Variants in LCOR observed in about 807,000 individuals in gnomAD.
LCOR encodes the protein ligand dependent nuclear receptor corepressor.
Under a neutral mutation model 64.4 loss-of-function variants are expected in LCOR, and 14 were observed. The observed-to-expected ratio is 0.22, with a 90% CI of 0.14 to 0.34. The LOEUF is 0.34. Among genes scored for constraint, LCOR ranks in the 10% least tolerant of loss-of-function variants. LCOR has a pLI of 1.00. For missense variants in LCOR, 1,686 were observed against 1,765.3 expected, an observed-to-expected ratio of 0.96 and a Z score of 0.80; for synonymous variants, 643 against 642.5, an observed-to-expected ratio of 1.00 and a Z score of -0.01.
At chr10:96,866,375 G>A (rs1171630518) in intron 2 of LCOR, among the ~76,000 whole-genome samples, 1 of 151,926 alleles carries the variant, frequency 6.6e-6, no homozygotes, top group South Asian at 2.1e-4. Flanking sequence ...TTCCTTGTAC[G>A]GCTATACCTC....
intron 7 of LCOR, chr10:96,955,024 T>C (rs1847743443): frequency 6.2e-7 from 1 of 1,614,026 alleles, no homozygotes; most frequent in African/African-American, 1.3e-5. Context: ...CCAAGAAGCT[T>C]ACAGGATGGA....
intron 4 of LCOR, among the ~76,000 whole-genome samples, chr10:96,934,271 C>T (rs1273258270): frequency 6.6e-6 from 1 of 152,168 alleles, no homozygotes; most frequent in Admixed American, 6.5e-5. Flanking sequence ...CAGTATAGGA[C>T]TATGAGAGAT....
intron 7 of LCOR, among the ~76,000 whole-genome samples, chr10:96,974,445 T>C (rs1002132632): frequency 3.3e-5 from 5 of 152,250 alleles, no homozygotes; most frequent in African/African-American, 9.6e-5. Flanking sequence ...CAGCATGAAC[T>C]AGCATGAGCT....
chr10:96,836,391 C>G (rs537100517), intron 2 of LCOR, among the ~76,000 whole-genome samples: 1 of 152,202 alleles, frequency 6.6e-6, no homozygotes, highest in Non-Finnish European at 1.5e-5. Flanking sequence ...ATAGAACTTG[C>G]CACTTCAGAG....
chr10:96,959,502 T>A (rs1030904852), intron 7 of LCOR: 4 of 152,170 alleles, frequency 2.6e-5, no homozygotes, highest in African/African-American at 7.2e-5. Context: ...AAACACTAAT[T>A]CTGTGGAAGG....
At chr10:96,878,645 T>G (rs1370038184) in intron 2 of LCOR, among the ~76,000 whole-genome samples, 1 of 152,196 alleles carries the variant, frequency 6.6e-6, no homozygotes, top group East Asian at 1.9e-4. Flanking sequence ...GAGCATAATA[T>G]TGCTGAATAT....
At chr10:96,870,098 A>G (rs1466660699) in intron 2 of LCOR, among the ~76,000 whole-genome samples, 1 of 151,856 alleles carries the variant, frequency 6.6e-6, no homozygotes, top group East Asian at 1.9e-4. Flanking sequence ...TCTGTCGCCC[A>G]GGCTGGAGTG....
chr10:96,898,558 G>A (rs1846581022), intron 2 of LCOR, among the ~76,000 whole-genome samples: 1 of 152,180 alleles, frequency 6.6e-6, no homozygotes, highest in African/African-American at 2.4e-5. Context: ...TGGTGTGGGA[G>A]AATACTAAGA....
intron 2 of LCOR, among the ~76,000 whole-genome samples, chr10:96,855,935 A>T (rs1845796041): frequency 7.2e-6 from 1 of 139,564 alleles, no homozygotes; most frequent in Non-Finnish European, 1.6e-5. Flanking sequence ...GTAGTTACAG[A>T]GTTTCTCCAT....
intron 2 of LCOR, among the ~76,000 whole-genome samples, chr10:96,849,361 C>G (rs1310426240): frequency 6.6e-6 from 1 of 152,098 alleles, no homozygotes; most frequent in Non-Finnish European, 1.5e-5. Context: ...GCGTGAGCCA[C>G]TGCGTCCGGC....
At chr10:96,913,013 G>A (rs10786314) in intron 4 of LCOR, among the ~76,000 whole-genome samples, 150,662 of 152,250 alleles carry the variant, frequency 0.99, 74,563 homozygotes, top group East Asian at 1. Context: ...GGGCCCTTTG[G>A]AGTTGGCTGT....
At chr10:96,885,234 A>T (rs933338392) in intron 2 of LCOR, among the ~76,000 whole-genome samples, 9 of 152,216 alleles carry the variant, frequency 5.9e-5, no homozygotes, top group African/African-American at 2.2e-4. Flanking sequence ...CTCATTTGAA[A>T]ATAGTAAAGT....
At chr10:96,884,658 T>TA (rs1312872575) in intron 2 of LCOR, among the ~76,000 whole-genome samples, 1 of 152,212 alleles carries the variant, frequency 6.6e-6, no homozygotes, top group Non-Finnish European at 1.5e-5. Flanking sequence ...TGGGTTGAGG[T>TA]ATAAGAATTT....
At chr10:96,959,127 T>G (rs1487886023) in intron 7 of LCOR, 1 of 152,194 alleles carries the variant, frequency 6.6e-6, no homozygotes, top group Non-Finnish European at 1.5e-5. Context: ...ATATTTGATT[T>G]CTCTCTTGAT....
chr10:96,982,349 C>G lies in LCOR; in HGVS notation c.1889C>G (p.Pro630Arg). ...GCTCACCTTCCTGAAGAGGACCTGCCAGAAGGTGGCTCCACAGTCTCAGCT... is the reference window on the plus strand; with the variant it reads ...GCTCACCTTCCTGAAGAGGACCTGCGAGAAGGTGGCTCCACAGTCTCAGCT... Reference protein sequence around the residue: ...LPAHLPEEDLPEGGSTVSAPT... With the variant: ...LPAHLPEEDLREGGSTVSAPT... Residue 630 changes from proline to arginine, a missense_variant, in exon 8 of 8, where the codon CCA becomes CGA. Pro to Arg is a moderately radical substitution (Grantham distance 103). This residue lies in a region of LCOR where 1,293 missense variants were observed against 1,410.4 expected (regional missense o/e 0.92). Transcript: ENST00000421806. 6.2e-7 allele frequency: 1 copy of G among 1,614,206 alleles called. No homozygotes were observed. The highest frequency in any genetic ancestry group is 8.5e-7 in the Non-Finnish European group (1 of 1,180,032).
chr10:96,982,121 C>G lies in LCOR; in HGVS notation c.1661C>G (p.Thr554Arg). Residue 554 changes from threonine to arginine, a missense_variant, in exon 8 of 8, where the codon ACA becomes AGA. Coordinates refer to ENST00000421806, the MANE Select transcript of LCOR (RefSeq NM_001346516.2). ...CTTACAATTCCAGCCCCTAGACATA[C>G]AGTAGATGTGCAGCTTCCCAGAGAA... Reference protein sequence around the residue: ...QTLTIPAPRHTVDVQLPREDN... With the variant: ...QTLTIPAPRHRVDVQLPREDN... 6.2e-7 allele frequency: 1 copy of G among 1,614,188 alleles called. No homozygotes were observed. The highest frequency in any genetic ancestry group is 8.5e-7 in the Non-Finnish European group (1 of 1,180,030).
chr10:96,978,969 C>T (rs1564644836), intron 7 of LCOR, among the ~76,000 whole-genome samples: 1 of 152,164 alleles, frequency 6.6e-6, no homozygotes, highest in South Asian at 2.1e-4. Flanking sequence ...AGAGAGATGA[C>T]GTAACTTGCC....
chr10:96,912,765 A>G (rs1206731977), intron 4 of LCOR, among the ~76,000 whole-genome samples: 1 of 151,870 alleles, frequency 6.6e-6, no homozygotes, highest in African/African-American at 2.4e-5. Context: ...TTTAGCATCC[A>G]TTGATGAACA....
intron 4 of LCOR, among the ~76,000 whole-genome samples, chr10:96,942,886 T>G (rs2134512778): frequency 6.6e-6 from 1 of 152,326 alleles, no homozygotes. Flanking sequence ...TCAAATAAAT[T>G]ATATGCACTA....
Sources: gnomAD v4.1 joint callset for allele counts (sites outside exome capture counted in the v4.1 genomes callset) on GRCh38, gnomAD v4.1.1 for gene constraint, gnomAD v4.1.1 regional missense constraint, MANE v1.5 for transcripts, NCBI Gene and HGNC (gene_info 2026-07-23, HGNC 2026-07-21) for gene names.